The following MYO1H variants were observed in gnomAD, a reference collection of about 807,000 sequenced individuals.
MYO1H encodes the protein myosin IH, also known as unconventional myosin-Ih.
MYO1H carries 118 observed loss-of-function variants against 149.3 expected under a neutral mutation model. The observed-to-expected ratio is 0.79, with a 90% CI of 0.68 to 0.92. The LOEUF (loss-of-function observed/expected upper bound fraction) is 0.92, where lower values mean the gene tolerates loss of function less well. Ranked by LOEUF, MYO1H falls within the 40% of genes least tolerant of loss-of-function variation. The probability of loss-of-function intolerance (pLI) is 0.00; values close to 1 mark genes in which losing one functional copy is unlikely to be tolerated. For synonymous variants in MYO1H, 447 were observed against 465.2 expected (o/e 0.96, Z 0.50); for missense variants, 1,212 against 1,280.7 (o/e 0.95, Z 0.82).
chr12:109,425,905 T>A (rs1420212868), intron 17 of MYO1H, 41 bp from the exon 18 acceptor site: 1 of 1,430,506 alleles, frequency 7.0e-7, no homozygotes, highest in East Asian at 2.3e-5. Context: ...CAGCAGTATC[T>A]CTCTGGCTCG....
At chr12:109,362,986 T>C (rs1017933283) in intron 1 of MYO1H, among the ~76,000 whole-genome samples, 1 of 152,212 alleles carries the variant, frequency 6.6e-6, no homozygotes, top group Non-Finnish European at 1.5e-5. Flanking sequence ...GAGTCCCTCG[T>C]TCATAGCACA....
intron 15 of MYO1H, among the ~76,000 whole-genome samples, 200 bp from the exon 16 acceptor site, chr12:109,420,781 C>T (rs1036741898): frequency 4.6e-5 from 7 of 152,142 alleles, no homozygotes; most frequent in Admixed American, 3.9e-4. Context: ...AGAGATGCTT[C>T]TCAACATCCC....
intron 1 of MYO1H, among the ~76,000 whole-genome samples, chr12:109,379,437 G>A (rs540210318): frequency 4.6e-4 from 70 of 152,210 alleles, no homozygotes; most frequent in South Asian, 6.2e-4. Flanking sequence ...GCTATTGAGC[G>A]TTTTTTGCTA....
At chr12:109,419,608 CG>C (rs1871084318) in intron 15 of MYO1H, among the ~76,000 whole-genome samples, 1 of 151,904 alleles carries the variant, frequency 6.6e-6, no homozygotes, top group Non-Finnish European at 1.5e-5. Context: ...GAGTACAGTG[CG>C]CAATCGTGGC....
intron 1 of MYO1H, among the ~76,000 whole-genome samples, chr12:109,366,435 A>C (rs1868865833): frequency 6.6e-6 from 1 of 152,208 alleles, no homozygotes; most frequent in Non-Finnish European, 1.5e-5. Flanking sequence ...GGGGCCTCTC[A>C]GTACCCCTCA....
At chr12:109,375,119 T>TG (rs200957303) in intron 1 of MYO1H, among the ~76,000 whole-genome samples, 4,913 of 151,238 alleles carry the variant, frequency 0.032, 102 homozygotes, top group Non-Finnish European at 0.046. Context: ...CCTCCCAAAG[T>TG]GCTGGGATTA....
chr12:109,391,870 G>A (rs949864926), intron 2 of MYO1H, among the ~76,000 whole-genome samples: 11 of 151,976 alleles, frequency 7.2e-5, no homozygotes, highest in Non-Finnish European at 1.6e-4. Flanking sequence ...TTCTTTTTGC[G>A]AAGTGTCTGT....
chr12:109,349,758 A>C (rs1868415954), intron 1 of MYO1H, among the ~76,000 whole-genome samples: 1 of 151,700 alleles, frequency 6.6e-6, no homozygotes, highest in South Asian at 2.1e-4. Context: ...CAGGAGATCG[A>C]GACCATCCTG....
At chr12:109,318,986 T>G in the MYO1H span, among the ~76,000 whole-genome samples, 122 of 146,734 alleles carry the variant, frequency 8.3e-4, no homozygotes, top group Admixed American at 1.6e-3. Context: ...TTTTTTTTTT[T>G]TTTTTTTTGC....
At chr12:109,321,164 C>G in the MYO1H span, among the ~76,000 whole-genome samples, 4 of 152,270 alleles carry the variant, frequency 2.6e-5, no homozygotes, top group Admixed American at 2.6e-4. Flanking sequence ...TTATGTTCAA[C>G]TAAGAATACC....
At position 109,373,634 on chromosome 12, in the gene MYO1H, T is replaced by G. The variant is rs556383932; in HGVS notation, c.13-15049T>G. Among the ~76,000 whole-genome samples the G allele has an allele frequency of 2.6e-5, 4 of 152,336 alleles. No individual in the cohort carries two copies. The East Asian group carries it at 5.8e-4, about 22-fold the overall frequency. ...TGTTGAATTCAACTTGCTAATCACT[T>G]ATTGAGGAATTTGGTTTTGATATTC... On this transcript the variant is annotated intron_variant, in intron 1 of 31. Coordinates refer to ENST00000310903, the Ensembl canonical transcript of MYO1H.
upstream of MYO1H, among the ~76,000 whole-genome samples, chr12:109,346,235 CTG>C (rs2048102159): frequency 6.6e-6 from 1 of 152,074 alleles, no homozygotes; most frequent in African/African-American, 2.4e-5. Flanking sequence ...TATAAGTAAT[CTG>C]ACAATGATTT....
At chr12:109,380,402 C>G (rs1350721767) in intron 1 of MYO1H, among the ~76,000 whole-genome samples, 1 of 152,054 alleles carries the variant, frequency 6.6e-6, no homozygotes, top group Non-Finnish European at 1.5e-5. Context: ...CATCTGGTTG[C>G]TAGCATAGAG....
intron 15 of MYO1H, among the ~76,000 whole-genome samples, chr12:109,418,578 C>A (rs973662612): frequency 1.3e-5 from 2 of 151,724 alleles, no homozygotes; most frequent in Non-Finnish European, 2.9e-5. Flanking sequence ...TAGACGGAGT[C>A]TCGCCTGTGG....
the MYO1H span, among the ~76,000 whole-genome samples, chr12:109,310,608 A>AT: frequency 3.8e-3 from 525 of 138,664 alleles, 4 homozygotes; most frequent in African/African-American, 0.013. Context: ...CGCACCTGTG[A>AT]CTGTTTTTTT....
intron 13 of MYO1H, among the ~76,000 whole-genome samples, chr12:109,411,547 C>T (rs1267520570): frequency 1.3e-5 from 2 of 152,200 alleles, no homozygotes; most frequent in Admixed American, 6.5e-5. Context: ...TCTTCTACAA[C>T]AAGAGTCTGT....
At chr12:109,440,909 A>G in intron 25 of MYO1H, 82 bp downstream of exon 25, 1 of 1,012,890 alleles carries the variant, frequency 9.9e-7, no homozygotes, top group Non-Finnish European at 1.5e-6. Context: ...CTCATCCACC[A>G]TTTCACCTAT....
At chr12:109,427,909 A>AAAAAAAATATATAT (rs1555254298) in intron 19 of MYO1H, among the ~76,000 whole-genome samples, 1 of 16,422 alleles carries the variant, frequency 6.1e-5, no homozygotes, top group African/African-American at 3.1e-4. Context: ...AAAAAAAAAA[A>AAAAAAAATATATAT]ATATATATAT....
chr12:109,314,723 T>C, the MYO1H span, among the ~76,000 whole-genome samples: 61 of 152,300 alleles, frequency 4.0e-4, no homozygotes, highest in African/African-American at 1.3e-3. Flanking sequence ...TGCTAGAAGG[T>C]GCTCAACAGG....
Sources: allele counts gnomAD v4.1 joint callset (sites outside exome capture counted in the v4.1 genomes callset), GRCh38; gene constraint gnomAD v4.1.1; transcripts MANE v1.5; gene names NCBI Gene and HGNC (gene_info 2026-07-23, HGNC 2026-07-21).